The following CSMD1 variants were observed in gnomAD, a reference collection of about 807,000 sequenced individuals.
CSMD1 encodes the protein CUB and sushi domain-containing protein 1.
Under a neutral mutation model 417.5 loss-of-function variants are expected in CSMD1, and 213 were observed. That is an observed-to-expected ratio of 0.51 (90% CI 0.46 to 0.57). The LOEUF is 0.57. CSMD1 is among the 20% of genes least tolerant of loss of function. The pLI is 0.00. For synonymous variants in CSMD1, 2,862 were observed against 1,736.8 expected, an observed-to-expected ratio of 1.65 and a Z score of -16.11; for missense variants, 6,923 against 4,529.7, an observed-to-expected ratio of 1.53 and a Z score of -15.17.
At chr8:4,329,220 G>T (rs1324568003) in intron 3 of CSMD1, among the ~76,000 whole-genome samples, 1 of 152,136 alleles carries the variant, frequency 6.6e-6, no homozygotes, top group South Asian at 2.1e-4. Context: ...AAATTATTTG[G>T]ACCTTATCAG....
intron 5 of CSMD1, among the ~76,000 whole-genome samples, chr8:3,866,788 T>A (rs1805135157): frequency 1.3e-5 from 2 of 152,288 alleles, no homozygotes; most frequent in Middle Eastern, 6.8e-3. Context: ...TTTCCTTCAA[T>A]AACGGCTCAC....
chr8:4,328,838 C>G (rs1799704297), intron 3 of CSMD1, among the ~76,000 whole-genome samples: 1 of 152,178 alleles, frequency 6.6e-6, no homozygotes, highest in Non-Finnish European at 1.5e-5. Flanking sequence ...GAAGCTTAAG[C>G]AATTCTTGCT....
rs186730363 is a variant in CSMD1 at position 3,788,345 on chromosome 8, G to C, written c.819-34303C>G. Among the ~76,000 whole-genome samples the C allele has an allele frequency of 2.9e-3, 436 of 152,234 alleles. 2 individuals are homozygous for C. Among genetic ancestry groups the C allele is most frequent in the African/African-American group, 0.01 (425 of 41,540 alleles). On this transcript the variant is annotated intron_variant, in intron 5 of 69. Coordinates refer to ENST00000635120, the MANE Select transcript of CSMD1 (RefSeq NM_033225.6). ...AAGGGATGGGCTTTAGGTACCCTGA[G>C]GTGTGCAGCCCATGCCTCCCTGTGC...
In CSMD1 at chr8:4,426,422, C is replaced by T. The variant is rs1186625069; in HGVS notation, c.303-6357G>A. Among the ~76,000 whole-genome samples, 5 of 148,386 alleles carry T rather than the reference C, an allele frequency of 3.4e-5. 1 individual carries two copies. The East Asian group carries it at 9.8e-4, about 29-fold the overall frequency. ...TTTTTATATACTATATATACAATAT[C>T]ATAAACATATACTATATAGAGCATA... On this transcript the variant is annotated intron_variant, in intron 2 of 69. Transcript: ENST00000635120.
At chr8:3,760,059 G>A (rs1472063882) in intron 5 of CSMD1, among the ~76,000 whole-genome samples, 2 of 152,100 alleles carry the variant, frequency 1.3e-5, no homozygotes, top group African/African-American at 4.8e-5. Context: ...GAGCTTGCCA[G>A]GTCAGGGATA....
intron 7 of CSMD1, among the ~76,000 whole-genome samples, chr8:3,707,591 C>T (rs76968134): frequency 0.043 from 6,619 of 152,258 alleles, 213 homozygotes; most frequent in South Asian, 0.071. Context: ...AGCAAACCCT[C>T]AGTGAAGCTG....
chr8:4,220,450 G>A (rs901483492), intron 3 of CSMD1, among the ~76,000 whole-genome samples: 1 of 152,202 alleles, frequency 6.6e-6, no homozygotes, highest in Non-Finnish European at 1.5e-5. Context: ...AGAGGTCAGG[G>A]CAGTGAGAAG....
At chr8:3,966,848 A>G (rs929582053) in intron 5 of CSMD1, among the ~76,000 whole-genome samples, 1 of 152,204 alleles carries the variant, frequency 6.6e-6, no homozygotes, top group African/African-American at 2.4e-5. Flanking sequence ...ACAGACACTA[A>G]GCTCTATTAT....
intron 40 of CSMD1, among the ~76,000 whole-genome samples, chr8:3,150,608 C>T (rs1819136839): frequency 1.3e-5 from 2 of 152,248 alleles, no homozygotes; most frequent in African/African-American, 2.4e-5. Flanking sequence ...ATTCATCATT[C>T]AGCTACTATT....
intron 3 of CSMD1, among the ~76,000 whole-genome samples, chr8:4,060,744 C>T (rs776795944): frequency 1.3e-5 from 2 of 152,050 alleles, no homozygotes; most frequent in African/African-American, 2.4e-5. Context: ...AGCATCACAG[C>T]TATTCATGTT....
chr8:3,190,173 G>A lies in CSMD1; in HGVS notation c.5195-58C>T, dbSNP rs997487787. ...ATCTCCATCAGCAAGCCAGGACGTTGCGTGGAACGTGGGTTTAAGATGGGA... is the reference window on the plus strand; with the variant it reads ...ATCTCCATCAGCAAGCCAGGACGTTACGTGGAACGTGGGTTTAAGATGGGA... On this transcript the variant is annotated intron_variant, in intron 33 of 69. Transcript: ENST00000635120. 12 of 1,407,138 alleles carry A rather than the reference G, an allele frequency of 8.5e-6. No individual in the cohort carries two copies. The African/African-American group carries it at 1.3e-4, about 15-fold the overall frequency. The allele number at this position is 1,407,138 out of a possible 1,614,324, so 87.2% of individuals were successfully genotyped here.
At chr8:3,736,667 C>G (rs1490480189) in intron 6 of CSMD1, among the ~76,000 whole-genome samples, 1 of 152,190 alleles carries the variant, frequency 6.6e-6, no homozygotes, top group Non-Finnish European at 1.5e-5. Flanking sequence ...TGCGACCTGG[C>G]CTGACTCAGC....
intron 8 of CSMD1, among the ~76,000 whole-genome samples, chr8:3,614,766 C>T (rs1483489525): frequency 6.6e-6 from 1 of 152,184 alleles, no homozygotes; most frequent in Non-Finnish European, 1.5e-5. Context: ...TTCTTTGTGC[C>T]ACGCACAGTT....
chr8:4,202,513 A>G (rs2131260041), intron 3 of CSMD1, among the ~76,000 whole-genome samples: 1 of 152,322 alleles, frequency 6.6e-6, no homozygotes, highest in African/African-American at 2.4e-5. Flanking sequence ...TTGCACTTTT[A>G]TACTTAAAAA....
intron 30 of CSMD1, among the ~76,000 whole-genome samples, chr8:3,207,654 T>C (rs929146384): frequency 6.6e-6 from 1 of 152,130 alleles, no homozygotes; most frequent in Non-Finnish European, 1.5e-5. Context: ...TTACAATCGC[T>C]TGAAAAACTT....
rs145608143 is a variant in CSMD1 at position 4,397,447 on chromosome 8, G to A, written c.415+22506C>T. ...GGAACATGGAAATGAAGAAAGCTTC[G>A]GGAGATACGTGATCTGTTGCAGGGT... is the stretch of plus-strand genomic sequence containing the variant. On this transcript the variant is annotated intron_variant, in intron 3 of 69. Transcript: ENST00000635120. 1.2e-3 allele frequency among the ~76,000 whole-genome samples: 183 copies of A among 150,744 alleles called. 1 individual carries two copies. Among genetic ancestry groups the A allele is most frequent in the African/African-American group, 4.2e-3 (171 of 40,494 alleles).
At chr8:4,852,985 A>G (rs1348490427) in intron 1 of CSMD1, among the ~76,000 whole-genome samples, 1 of 152,186 alleles carries the variant, frequency 6.6e-6, no homozygotes. Flanking sequence ...GGCTGCTTAT[A>G]ACAGTCTACA....
intron 1 of CSMD1, among the ~76,000 whole-genome samples, chr8:4,905,915 C>T (rs552718512): frequency 6.6e-6 from 1 of 151,818 alleles, no homozygotes; most frequent in Non-Finnish European, 1.5e-5. Flanking sequence ...CTCAGAGCCA[C>T]TCTTTCCTTT....
At chr8:4,900,393 C>T (rs116558671) in intron 1 of CSMD1, among the ~76,000 whole-genome samples, 1,875 of 152,272 alleles carry the variant, frequency 0.012, 32 homozygotes, top group African/African-American at 0.039. Flanking sequence ...TCCTTCCGCA[C>T]GCCTCTGCAC....
Sources: allele counts gnomAD v4.1 joint callset (sites outside exome capture counted in the v4.1 genomes callset), GRCh38; gene constraint gnomAD v4.1.1; transcripts MANE v1.5; gene names NCBI Gene and HGNC (gene_info 2026-07-23, HGNC 2026-07-21).